CENPE: variants seen among roughly 807,000 people sequenced by gnomAD.
CENPE encodes centromere-associated protein E.
A neutral mutation model predicts 336.1 loss-of-function variants in CENPE; 145 were observed. That is an observed-to-expected ratio of 0.43 (90% CI 0.38 to 0.50). The LOEUF is 0.50. CENPE is among the 20% of genes least tolerant of loss of function. The pLI, the probability that CENPE is intolerant of heterozygous loss-of-function variation, is 0.00. For synonymous variants in CENPE, 1,013 were observed against 984.8 expected (o/e 1.03, Z -0.54); for missense variants, 2,719 against 3,023.3 (o/e 0.90, Z 2.36).
intron 22 of CENPE, 54 bp from the exon 23 acceptor site, chr4:103,158,940 A>T: frequency 6.5e-7 from 1 of 1,545,348 alleles, no homozygotes; most frequent in Non-Finnish European, 8.7e-7. Context: ...AGTCTGAGGC[A>T]TACATATATA....
intron 25 of CENPE, 52 bp downstream of exon 25, chr4:103,152,995 G>T: frequency 7.6e-7 from 1 of 1,319,338 alleles, no homozygotes; most frequent in Non-Finnish European, 1.1e-6. Context: ...ATAAAAATCT[G>T]AAACAAATGA....
Position 103,133,797 on chromosome 4 carries a change from C to T in CENPE, c.6618G>A (p.Lys2206=), listed in dbSNP as rs1197108551. Residue 2206 remains lysine, a synonymous_variant, in exon 41 of 49, where the codon AAG becomes AAA. Coordinates refer to ENST00000265148, the MANE Select transcript of CENPE (RefSeq NM_001813.3). ...MDFIDEVEKQ[K]ELLIKIQHLQ... ...GGTGCTGTATTTTAATTAGCAATTC[C>T]TTTTGCTTTTCCACTTCATCAATAA... The T allele has an allele frequency of 6.2e-7, 1 of 1,606,910 alleles. No individual in the cohort carries two copies. Among genetic ancestry groups the T allele is most frequent in the South Asian group, 1.1e-5 (1 of 90,698 alleles).
chr4:103,163,231 A>G lies in CENPE; in HGVS notation c.1748T>C (p.Leu583Pro), dbSNP rs750434530. The G allele has an allele frequency of 3.7e-6, 6 of 1,609,326 alleles. No homozygotes were observed. The highest frequency in any genetic ancestry group is 5.1e-6 in the Non-Finnish European group (6 of 1,176,844). Residue 583 changes from leucine to proline, a missense_variant, in exon 18 of 49, where the codon CTG becomes CCG. Physicochemically the swap from Leu to Pro is moderately conservative, Grantham distance 98. Around this residue, in one of 5 missense-constraint regions of CENPE, gnomAD observed 2,437 missense variants for 2,513.3 expected, o/e 0.97. Transcript: ENST00000265148. The stretch of plus-strand genomic sequence containing the variant: ...AATCTGGTCTTCCTTTTCTCTAAGC[A>G]GCTCTACTTTTGAACTGAGTTCATT... ...LENELSSKVE[L>P]LREKEDQIKK...
intron 33 of CENPE, 44 bp downstream of exon 33, chr4:103,144,287 C>A: frequency 6.6e-7 from 1 of 1,506,552 alleles, no homozygotes; most frequent in Non-Finnish European, 9.0e-7. Flanking sequence ...TCTCTTAGGA[C>A]TCAATGTCAT....
intron 16 of CENPE, among the ~76,000 whole-genome samples, chr4:103,167,348 C>A (rs538260526): frequency 6.6e-6 from 1 of 152,146 alleles, no homozygotes; most frequent in Non-Finnish European, 1.5e-5. Context: ...ATACACCAAC[C>A]CTTCCCATAG....
At position 103,180,467 on chromosome 4, in the gene CENPE, A is replaced by C. The variant is rs749465230; in HGVS notation, c.1086T>G (p.Val362=). ...IMDLKKQLEE[V]SLETRAQAME... is the part of the protein sequence containing the mutation. ...TTGCCTGAGCCCGCGTCTCTAAAGA[A>C]ACCTATAGAATGCAATATTGGATTA... Residue 362 remains valine (V), a splice_region_variant and synonymous_variant, in exon 13 of 49, where the codon GTT becomes GTG. Coordinates refer to ENST00000265148, the MANE Select transcript of CENPE (RefSeq NM_001813.3). The C allele has an allele frequency of 1.2e-6, 2 of 1,605,586 alleles. No homozygotes were observed. Among genetic ancestry groups the C allele is most frequent in the Non-Finnish European group, 1.7e-6 (2 of 1,175,236 alleles).
At chr4:103,169,296 A>T (rs1755196995) in intron 16 of CENPE, among the ~76,000 whole-genome samples, 1 of 152,174 alleles carries the variant, frequency 6.6e-6, no homozygotes. Flanking sequence ...GACAACATCA[A>T]AAAAGCAAAT....
chr4:103,157,625 TG>T (rs1754071481), intron 24 of CENPE, among the ~76,000 whole-genome samples: 1 of 152,140 alleles, frequency 6.6e-6, no homozygotes, highest in East Asian at 1.9e-4. Context: ...GTTTTGGTTT[TG>T]CAAGATGAAA....
chr4:103,106,821 T>A (rs1306773538), intron 48 of CENPE, among the ~76,000 whole-genome samples: 1 of 152,216 alleles, frequency 6.6e-6, no homozygotes, highest in East Asian at 1.9e-4. Context: ...TACCTTAGTT[T>A]AAGGTAATTT....
intron 18 of CENPE, among the ~76,000 whole-genome samples, chr4:103,161,900 C>T (rs1216695217): frequency 1.3e-5 from 2 of 151,662 alleles, no homozygotes; most frequent in African/African-American, 2.4e-5. Flanking sequence ...GAACAAGAAA[C>T]TTACAGATGA....
In CENPE at chr4:103,147,474, T is replaced by G. The variant is rs755478080; in HGVS notation, c.4016A>C (p.Glu1339Ala). ...ERLRLNEKFQ[E>A]SQEEIKSLTK... ...TAGAGATTTTATCTCTTCCTGACTTTCTTGAAATTTTTCATTCAACCTGAG... is the reference window on the plus strand; with the variant it reads ...TAGAGATTTTATCTCTTCCTGACTTGCTTGAAATTTTTCATTCAACCTGAG... The change falls in exon 29 of 49, where the codon GAA becomes GCA. Residue 1339 changes from glutamate to alanine, a missense_variant. This residue lies in a region of CENPE where 2,437 missense variants were observed against 2,513.3 expected (regional missense o/e 0.97). Coordinates refer to ENST00000265148, the MANE Select transcript of CENPE (RefSeq NM_001813.3). The G allele has an allele frequency of 6.2e-7, 1 of 1,614,032 alleles. No homozygotes were observed. The highest frequency in any genetic ancestry group is 1.3e-5 in the African/African-American group (1 of 74,932).
Position 103,147,451 on chromosome 4 carries a change from G to T in CENPE, c.4039C>A (p.Leu1347Ile). ...FQESQEEIKS[L>I]TKERDNLKTI... The stretch of plus-strand genomic sequence containing the variant: ...TTAAGGTTGTCTCTTTCCTTGGTTA[G>T]AGATTTTATCTCTTCCTGACTTTCT... The change falls in exon 29 of 49, where the codon CTA (leucine) becomes ATA (isoleucine). Residue 1347 changes from leucine to isoleucine, a missense_variant. Leu to Ile is a conservative substitution (Grantham distance 5). Transcript: ENST00000265148. The T allele has an allele frequency of 6.2e-7, 1 of 1,614,004 alleles. No individual in the cohort carries two copies.
Position 103,133,816 on chromosome 4 carries a change from T to A in CENPE, c.6599A>T (p.Asp2200Val), listed in dbSNP as rs746793219. 1 of 1,605,510 alleles carries A rather than the reference T, an allele frequency of 6.2e-7. No individual in the cohort carries two copies. The highest frequency in any genetic ancestry group is 8.5e-7 in the Non-Finnish European group (1 of 1,173,434). Residue 2200 changes from aspartate to valine, a missense_variant, in exon 41 of 49, where the codon GAT (aspartate) becomes GTT (valine). Transcript: ENST00000265148. ...CAATTCCTTTTGCTTTTCCACTTCA[T>A]CAATAAAATCCATTTCAAATTTATT... The part of the protein sequence containing the change: ...SINKFEMDFI[D>V]EVEKQKELLI...
intron 16 of CENPE, among the ~76,000 whole-genome samples, chr4:103,172,520 T>C (rs1223473076): frequency 6.6e-6 from 1 of 152,072 alleles, no homozygotes; most frequent in African/African-American, 2.4e-5. Context: ...CTGAAAGCCT[T>C]TTACTCTAAG....
At chr4:103,147,844 C>T (rs1753187641) in intron 28 of CENPE, among the ~76,000 whole-genome samples, 198 bp from the exon 29 acceptor site, 1 of 152,042 alleles carries the variant, frequency 6.6e-6, no homozygotes, top group South Asian at 2.1e-4. Flanking sequence ...CAGGTGTGTG[C>T]TACCATGCCT....
chr4:103,175,303 T>C (rs1273452455), intron 15 of CENPE, among the ~76,000 whole-genome samples: 1 of 151,954 alleles, frequency 6.6e-6, no homozygotes, highest in Admixed American at 6.6e-5. Flanking sequence ...GGCCTATTTC[T>C]ATTTTCTATA....
At chr4:103,191,233 G>T (rs781320470) in intron 8 of CENPE, among the ~76,000 whole-genome samples, 8 of 152,224 alleles carry the variant, frequency 5.3e-5, no homozygotes, top group Non-Finnish European at 1.2e-4. Context: ...GTGGAAGACA[G>T]TGTGGTGATT....
At chr4:103,107,908 C>T (rs1432882927) in intron 48 of CENPE, among the ~76,000 whole-genome samples, 2 of 152,136 alleles carry the variant, frequency 1.3e-5, no homozygotes, top group African/African-American at 2.4e-5. Flanking sequence ...TCAAAGGCTT[C>T]CTCTACACAA....
Position 103,194,620 on chromosome 4 carries a change from C to A in CENPE, c.542G>T (p.Trp181Leu), listed in dbSNP as rs747072051. The A allele has an allele frequency of 2.5e-6, 4 of 1,607,198 alleles. No individual in the cohort carries two copies. Among genetic ancestry groups the A allele is most frequent in the East Asian group, 4.5e-5 (2 of 44,694 alleles). The change falls in exon 6 of 49, where the codon TGG (tryptophan) becomes TTG (leucine). Residue 181 changes from tryptophan to leucine, a missense_variant. By Grantham distance (61) the Trp-to-Leu change is moderately conservative. Transcript: ENST00000265148. ...AGTCTTACTTTCTCCCTTTGTAATC[C>A]ATTTCAAAGCCATTTCTGATGTATA... ...VVYTSEMALKWITKGEKSRHY... is the reference protein window; with the variant it reads ...VVYTSEMALKLITKGEKSRHY...
Sources: allele counts gnomAD v4.1 joint callset (sites outside exome capture counted in the v4.1 genomes callset), GRCh38; gene constraint gnomAD v4.1.1; regional missense constraint gnomAD v4.1.1; transcripts MANE v1.5; gene names NCBI Gene and HGNC (gene_info 2026-07-23, HGNC 2026-07-21).